Variants in KMO observed in about 807,000 individuals in gnomAD.
KMO encodes the protein kynurenine 3-monooxygenase, also known as kynurenine 3-hydroxylase.
KMO carries 24 observed loss-of-function variants against 57.8 expected under a neutral mutation model. That is an observed-to-expected ratio of 0.42 (90% CI 0.30 to 0.58). The LOEUF is 0.58. KMO is among the 20% of genes least tolerant of loss of function. The pLI is 0.22. For missense variants in KMO, 483 were observed against 588.2 expected, an observed-to-expected ratio of 0.82 and a Z score of 1.85; for synonymous variants, 210 against 193.6, an observed-to-expected ratio of 1.08 and a Z score of -0.70.
chr1:241,563,184 G>A (rs191445547), intron 7 of KMO, among the ~76,000 whole-genome samples: 9 of 152,214 alleles, frequency 5.9e-5, no homozygotes, highest in South Asian at 2.1e-4. Flanking sequence ...TCATTTCCTG[G>A]TTAAACCATA....
chr1:241,562,088 A>G, intron 6 of KMO, 79 bp from the exon 7 acceptor site: 7 of 1,221,746 alleles, frequency 5.7e-6, no homozygotes, highest in Non-Finnish European at 8.1e-6. Flanking sequence ...TGGAGCCACT[A>G]CTTCTCATAC....
chr1:241,588,668 C>A, intron 11 of KMO, 80 bp from the exon 12 acceptor site: 1 of 937,070 alleles, frequency 1.1e-6, no homozygotes, highest in Non-Finnish European at 1.7e-6. Context: ...TGGTAGTGAA[C>A]GTACCATTTA....
chr1:241,588,447 C>T (rs111985606), intron 11 of KMO, among the ~76,000 whole-genome samples: 412 of 144,624 alleles, frequency 2.8e-3, no homozygotes, highest in South Asian at 4.6e-3. Context: ...TTACACATGA[C>T]GTTGGAGGTT....
In KMO at chr1:241,566,505, A is replaced by G. The variant is rs1188162353; in HGVS notation, c.702A>G (p.Thr234=). The stretch of plus-strand genomic sequence containing the variant: ...TCTTCTCACAGAACAAATCATTCAC[A>G]TGTACTTTGTTCATGCCCTTTGAAG... ...IALPNMNKSF[T]CTLFMPFEEF... is the part of the protein sequence containing the mutation. Residue 234 remains threonine (T), a synonymous_variant, in exon 9 of 15, where the codon ACA becomes ACG. Transcript: ENST00000366559. The G allele has an allele frequency of 6.2e-7, 1 of 1,613,220 alleles. No individual in the cohort carries two copies. Among genetic ancestry groups the G allele is most frequent in the African/African-American group, 1.3e-5 (1 of 74,880 alleles).
At chr1:241,563,773 T>C (rs1179049732) in intron 7 of KMO, among the ~76,000 whole-genome samples, 1 of 152,246 alleles carries the variant, frequency 6.6e-6, no homozygotes, top group African/African-American at 2.4e-5. Context: ...CATGGCAATG[T>C]GACTCAGACA....
chr1:241,571,746 T>G (rs1435246859), intron 10 of KMO, among the ~76,000 whole-genome samples: 1 of 152,064 alleles, frequency 6.6e-6, no homozygotes, highest in African/African-American at 2.4e-5. Flanking sequence ...GCAGTTTCCT[T>G]TTTTTGTTAC....
At chr1:241,555,752 C>A in intron 5 of KMO, 92 bp downstream of exon 5, 1 of 786,622 alleles carries the variant, frequency 1.3e-6, no homozygotes, top group South Asian at 1.5e-5. Context: ...GTTTGCTGCT[C>A]CTTTTTATGG....
rs1159582284 is a variant in KMO at position 241,556,300 on chromosome 1, AT to A, written c.361+647del. The stretch of plus-strand genomic sequence containing the variant: ...AGGCACATGCTACCACATACGACCA[AT>A]TTTTTTACATTTTTTTTAAAGGCAG... On this transcript the variant is annotated intron_variant, in intron 5 of 14. Transcript: ENST00000366559. Among the ~76,000 whole-genome samples, 4 of 151,768 alleles carry A rather than the reference AT, an allele frequency of 2.6e-5. No homozygotes were observed. In the South Asian group the frequency reaches 6.3e-4, roughly 24 times the overall value.
Position 241,536,295 on chromosome 1 carries a change from C to T in KMO, c.54+3797C>T, listed in dbSNP as rs12041524. ...ACAAAAAAACTGCCATACAAACTGCCTTACTTCATGTTAGAGTGATATGTT... is the reference window on the plus strand; with the variant it reads ...ACAAAAAAACTGCCATACAAACTGCTTTACTTCATGTTAGAGTGATATGTT... On this transcript the variant is annotated intron_variant, in intron 1 of 14. Coordinates refer to ENST00000366559, the MANE Select transcript of KMO (RefSeq NM_003679.5). 4.8e-3 allele frequency among the ~76,000 whole-genome samples: 733 copies of T among 152,232 alleles called. 22 individuals are homozygous for T. In the East Asian group the frequency reaches 0.089, roughly 19 times the overall value.
chr1:241,562,295 G>A lies in KMO; in HGVS notation c.578G>A (p.Gly193Glu). ...FDYSQQYIPHGYMELTIPPKN... is the reference protein window; with the variant it reads ...FDYSQQYIPHEYMELTIPPKN... Reference sequence around the variant, plus strand: ...TACAGTCAGCAGTACATTCCTCATGGGTACATGGAGTTGACTATTCCACCT... The same window carrying A: ...TACAGTCAGCAGTACATTCCTCATGAGTACATGGAGTTGACTATTCCACCT... The change falls in exon 7 of 15, where the codon GGG becomes GAG. Residue 193 changes from glycine (G) to glutamate (E), a missense_variant. Gly to Glu is a moderately conservative substitution (Grantham distance 98). This residue lies in a region of KMO where 410 missense variants were observed against 492.3 expected (regional missense o/e 0.83). Transcript: ENST00000366559. The A allele has an allele frequency of 6.2e-7, 1 of 1,614,080 alleles. No individual in the cohort carries two copies. Among genetic ancestry groups the A allele is most frequent in the Non-Finnish European group, 8.5e-7 (1 of 1,179,954 alleles).
intron 14 of KMO, among the ~76,000 whole-genome samples, chr1:241,590,979 T>G (rs1012533399): frequency 6.6e-6 from 1 of 151,982 alleles, no homozygotes; most frequent in Non-Finnish European, 1.5e-5. Context: ...GGTCAGAGGG[T>G]GGAGGCGGGG....
intron 10 of KMO, among the ~76,000 whole-genome samples, chr1:241,578,106 T>C (rs1662600153): frequency 6.6e-6 from 1 of 152,164 alleles, no homozygotes; most frequent in Non-Finnish European, 1.5e-5. Flanking sequence ...GGGGCGGCAG[T>C]CACCCTGAAG....
intron 5 of KMO, 49 bp from the exon 6 acceptor site, chr1:241,560,614 AAG>A (rs1661800312): frequency 1.1e-5 from 13 of 1,227,624 alleles, no homozygotes; most frequent in Non-Finnish European, 1.6e-5. Context: ...TGATTAAGTG[AAG>A]TAAGAATTGA....
intron 1 of KMO, among the ~76,000 whole-genome samples, chr1:241,538,168 T>C (rs1660814813): frequency 6.6e-6 from 1 of 151,962 alleles, no homozygotes; most frequent in Non-Finnish European, 1.5e-5. Flanking sequence ...GTTCAGAAAA[T>C]GGTGGCATTA....
intron 10 of KMO, among the ~76,000 whole-genome samples, chr1:241,574,882 CCTT>C (rs1662448464): frequency 6.6e-6 from 1 of 151,986 alleles, no homozygotes; most frequent in Non-Finnish European, 1.5e-5. Context: ...AACTGTGAGT[CCTT>C]CTGGTCCTGG....
At chr1:241,557,112 TGAGAAA>T (rs1234573654) in intron 5 of KMO, among the ~76,000 whole-genome samples, 1 of 152,042 alleles carries the variant, frequency 6.6e-6, no homozygotes, top group Non-Finnish European at 1.5e-5. Context: ...TATAGAAAGT[TGAGAAA>T]GAGAAAGGTG....
At chr1:241,564,267 T>C (rs759118470) in intron 7 of KMO, among the ~76,000 whole-genome samples, 18 of 152,192 alleles carry the variant, frequency 1.2e-4, no homozygotes, top group Non-Finnish European at 2.5e-4. Flanking sequence ...GGAAAGTTGA[T>C]TGCATATTTC....
intron 1 of KMO, among the ~76,000 whole-genome samples, chr1:241,542,148 G>A (rs1018499970): frequency 6.6e-6 from 1 of 151,450 alleles, no homozygotes; most frequent in African/African-American, 2.4e-5. Flanking sequence ...AAGATTCAAG[G>A]GTCAACATTT....
intron 2 of KMO, among the ~76,000 whole-genome samples, 193 bp from the exon 3 acceptor site, chr1:241,549,484 T>A (rs570025193): frequency 6.6e-6 from 1 of 152,280 alleles, no homozygotes; most frequent in East Asian, 1.9e-4. Context: ...AAACTAGTTT[T>A]GTTTAAAAAA....
Sources: gnomAD v4.1 joint callset for allele counts (sites outside exome capture counted in the v4.1 genomes callset) on GRCh38, gnomAD v4.1.1 for gene constraint, gnomAD v4.1.1 regional missense constraint, MANE v1.5 for transcripts, NCBI Gene and HGNC (gene_info 2026-07-23, HGNC 2026-07-21) for gene names.